HNRNPD: variants seen among roughly 807,000 people sequenced by gnomAD.
HNRNPD encodes heterogeneous nuclear ribonucleoprotein D.
Under a neutral mutation model 47.9 loss-of-function variants are expected in HNRNPD, and 3 were observed. That is an observed-to-expected ratio of 0.06 (90% CI 0.03 to 0.16). HNRNPD has a LOEUF of 0.16. HNRNPD is among the 10% of genes least tolerant of loss of function. The pLI is 1.00. For missense variants in HNRNPD, 287 were observed against 454.2 expected (o/e 0.63, Z 3.35); for synonymous variants, 171 against 165.1 (o/e 1.04, Z -0.28).
At chr4:82,373,335 A>AT in intron 1 of HNRNPD, 111 bp downstream of exon 1, 2 of 1,395,146 alleles carry the variant, frequency 1.4e-6, no homozygotes, top group South Asian at 2.9e-5. Flanking sequence ...AGGAGGCTGC[A>AT]TGGGGGCCCG....
At chr4:82,359,845 A>G (rs1723884670) in intron 2 of HNRNPD, among the ~76,000 whole-genome samples, 1 of 152,174 alleles carries the variant, frequency 6.6e-6, no homozygotes, top group Non-Finnish European at 1.5e-5. Context: ...CAAAATAGTG[A>G]GCAAGCAGCA....
intron 2 of HNRNPD, among the ~76,000 whole-genome samples, chr4:82,362,142 T>C (rs1327000457): frequency 2.6e-5 from 4 of 152,226 alleles, no homozygotes; most frequent in Non-Finnish European, 4.4e-5. Context: ...AATTTAACAC[T>C]ATGGCTCAGA....
intron 2 of HNRNPD, among the ~76,000 whole-genome samples, chr4:82,365,435 T>C (rs1445383735): frequency 1.3e-5 from 2 of 152,042 alleles, no homozygotes; most frequent in Non-Finnish European, 2.9e-5. Context: ...AAACTAAAGC[T>C]AAGTCACTAG....
At chr4:82,357,750 A>C (rs1306712541) in intron 4 of HNRNPD, 2 of 202,908 alleles carry the variant, frequency 9.9e-6, no homozygotes, top group Non-Finnish European at 2.0e-5. Context: ...GTCAAATCTA[A>C]GAAAAACAGA....
chr4:82,355,457 G>C (rs1723676849), intron 7 of HNRNPD, 56 bp from the exon 8 acceptor site: 2 of 1,207,674 alleles, frequency 1.7e-6, no homozygotes, highest in South Asian at 1.3e-5. Flanking sequence ...CTAATAATCA[G>C]AACAGTACCT....
chr4:82,366,117 C>T (rs1269214581), intron 2 of HNRNPD, among the ~76,000 whole-genome samples: 1 of 152,166 alleles, frequency 6.6e-6, no homozygotes, highest in Non-Finnish European at 1.5e-5. Flanking sequence ...GACTAATATA[C>T]AATGGACCAA....
intron 7 of HNRNPD, chr4:82,356,223 T>C (rs1723706028): frequency 1.6e-5 from 4 of 247,228 alleles, no homozygotes; most frequent in East Asian, 8.5e-5. Context: ...GCCAAGATTA[T>C]TGGTTGGTCC....
intron 2 of HNRNPD, among the ~76,000 whole-genome samples, chr4:82,369,221 G>C (rs1719910245): frequency 6.6e-6 from 1 of 152,228 alleles, no homozygotes; most frequent in Non-Finnish European, 1.5e-5. Flanking sequence ...CAGCACTGCA[G>C]AGAACAGAAT....
rs1325864828 is a variant in HNRNPD at position 82,353,843 on chromosome 4, G to A, written c.*342C>T. 1.3e-5 allele frequency: 2 copies of A among 152,474 alleles called. No homozygotes were observed. The highest frequency in any genetic ancestry group is 6.6e-5 in the Admixed American group (1 of 15,260). The allele number at this position is 152,474 out of a possible 1,614,324, so 9.4% of individuals were successfully genotyped here. On this transcript the variant is annotated 3_prime_UTR_variant, in exon 9 of 9. Transcript: ENST00000313899. ...GAGCCAATACATTTTTATACAAAAG[G>A]ATTTATTAAAAAACCAGTAAGACAC... is the stretch of plus-strand genomic sequence containing the variant.
At chr4:82,363,115 C>T (rs1287156908) in intron 2 of HNRNPD, among the ~76,000 whole-genome samples, 2 of 151,870 alleles carry the variant, frequency 1.3e-5, no homozygotes, top group African/African-American at 4.8e-5. Flanking sequence ...CTCACTCTGT[C>T]GCCCGGGCTG....
chr4:82,373,708 G>A lies in HNRNPD; in HGVS notation c.-30C>T, dbSNP rs1268443107. The A allele has an allele frequency of 7.4e-6, 11 of 1,482,698 alleles. No individual in the cohort carries two copies. The highest frequency in any genetic ancestry group is 1.2e-5 in the South Asian group (1 of 81,328). The allele number at this position is 1,482,698 out of a possible 1,614,324, so 91.8% of individuals were successfully genotyped here. On this transcript the variant is annotated 5_prime_UTR_variant, in exon 1 of 9. Transcript: ENST00000313899. The stretch of plus-strand genomic sequence containing the variant: ...CTAGTGTCTCCGCCGCTGCCGCCGA[G>A]ACTACACCCGCCGCTGCCGCGAACC...
chr4:82,358,638 G>A, intron 4 of HNRNPD, 21 bp downstream of exon 4: 1 of 1,591,942 alleles, frequency 6.3e-7, no homozygotes, highest in East Asian at 2.2e-5. Flanking sequence ...CATAAACTGG[G>A]TCAAAACATT....
intron 7 of HNRNPD, chr4:82,355,718 T>C (rs542502917): frequency 3.8e-5 from 13 of 341,054 alleles, no homozygotes; most frequent in African/African-American, 2.8e-4. Context: ...AAAAAATATC[T>C]TAAAATTTAG....
chr4:82,355,440 T>C (rs755543483), intron 7 of HNRNPD, 39 bp from the exon 8 acceptor site: 20 of 1,405,828 alleles, frequency 1.4e-5, no homozygotes, highest in Middle Eastern at 1.8e-4. Flanking sequence ...ACGGTAGTGG[T>C]TACATACTAA....
At position 82,373,707 on chromosome 4, in the gene HNRNPD, A is replaced by C. The variant is rs1271501048; in HGVS notation, c.-29T>G. On this transcript the variant is annotated 5_prime_UTR_variant, in exon 1 of 9. Transcript: ENST00000313899. ...GCTAGTGTCTCCGCCGCTGCCGCCG[A>C]GACTACACCCGCCGCTGCCGCGAAC... 2.7e-6 allele frequency: 4 copies of C among 1,492,582 alleles called. No individual in the cohort carries two copies. The highest frequency in any genetic ancestry group is 3.5e-6 in the Non-Finnish European group (4 of 1,128,176). 92.5% of individuals were successfully genotyped at this position (1,492,582 alleles called of 1,614,324 possible).
intron 2 of HNRNPD, among the ~76,000 whole-genome samples, chr4:82,365,814 C>A (rs1391304514): frequency 8.2e-6 from 1 of 122,526 alleles, no homozygotes; most frequent in Non-Finnish European, 1.6e-5. Context: ...AGGATCTCAT[C>A]ATGTTGCCCA....
rs66520516 is a variant in HNRNPD at position 82,363,048 on chromosome 4, G to GTATA, written c.291-3413_291-3410dup. On this transcript the variant is annotated intron_variant, in intron 2 of 8. Coordinates refer to ENST00000313899, the MANE Select transcript of HNRNPD (RefSeq NM_031370.3). Reference sequence around the variant, plus strand: ...TATATATATATGTGTGTGTGTGTGTGTATATATATATATATATACATTTAC... The same window carrying GTATA: ...TATATATATATGTGTGTGTGTGTGTGTATATATATATATATATATATACATTTAC... Among the ~76,000 whole-genome samples, 323 of 145,522 alleles carry GTATA rather than the reference G, an allele frequency of 2.2e-3. 3 individuals are homozygous for GTATA. The highest frequency in any genetic ancestry group is 7.6e-3 in the African/African-American group (289 of 37,942).
rs530885237 is a variant in HNRNPD, at chr4:82,357,270, C to A, written c.753+43G>T. 24 of 1,562,214 alleles carry A rather than the reference C, an allele frequency of 1.5e-5. No homozygotes were observed. In the African/African-American group the frequency reaches 1.6e-4, roughly 11 times the overall value. Reference sequence around the variant, plus strand: ...GAAAGATAAATGGTTAAGCTCTTTACAACAGCTAGTTTTCTCTACAAGTAA... The same window carrying A: ...GAAAGATAAATGGTTAAGCTCTTTAAAACAGCTAGTTTTCTCTACAAGTAA... On this transcript the variant is annotated intron_variant, in intron 5 of 8. Coordinates refer to ENST00000313899, the MANE Select transcript of HNRNPD (RefSeq NM_031370.3).
chr4:82,371,423 T>C, intron 2 of HNRNPD, 105 bp downstream of exon 2: 1 of 847,100 alleles, frequency 1.2e-6, no homozygotes, highest in Non-Finnish European at 1.9e-6. Context: ...TGTACTATGG[T>C]CTAGAATTTC....
Sources: gnomAD v4.1 joint callset for allele counts (sites outside exome capture counted in the v4.1 genomes callset) on GRCh38, gnomAD v4.1.1 for gene constraint, MANE v1.5 for transcripts, NCBI Gene and HGNC (gene_info 2026-07-23, HGNC 2026-07-21) for gene names.